The following CADPS2 variants were observed in gnomAD, a reference collection of about 807,000 sequenced individuals.
CADPS2 encodes the protein calcium dependent secretion activator 2, also known as calcium-dependent secretion activator 2.
CADPS2 carries 93 observed loss-of-function variants against 172.5 expected under a neutral mutation model. The ratio of observed to expected loss-of-function variants is 0.54; its 90% CI spans 0.46 to 0.64. The LOEUF is 0.64. Among genes scored for constraint, CADPS2 ranks in the 30% least tolerant of loss-of-function variants. The pLI is 0.00. For missense variants in CADPS2, 1,420 were observed against 1,565.9 expected (o/e 0.91, Z 1.57); for synonymous variants, 546 against 555.2 (o/e 0.98, Z 0.23).
At chr7:122,491,237 A>C in intron 10 of CADPS2, 75 bp downstream of exon 10, 2 of 930,812 alleles carry the variant, frequency 2.1e-6, no homozygotes, top group South Asian at 3.8e-5. Flanking sequence ...TTTAAATTGT[A>C]GAACAGACAA....
At chr7:122,695,558 C>G (rs1261197828) in intron 2 of CADPS2, among the ~76,000 whole-genome samples, 2 of 152,114 alleles carry the variant, frequency 1.3e-5, no homozygotes, top group Non-Finnish European at 2.9e-5. Flanking sequence ...ATAAAAGAAA[C>G]AGCTATGTAA....
At chr7:122,553,912 T>C (rs922906647) in intron 8 of CADPS2, among the ~76,000 whole-genome samples, 2 of 152,198 alleles carry the variant, frequency 1.3e-5, no homozygotes, top group Non-Finnish European at 1.5e-5. Flanking sequence ...TTTTTGGCAA[T>C]TCATTTTATT....
At chr7:122,817,169 G>A (rs1050063185) in intron 1 of CADPS2, among the ~76,000 whole-genome samples, 12 of 152,144 alleles carry the variant, frequency 7.9e-5, no homozygotes, top group Non-Finnish European at 1.8e-4. Flanking sequence ...TCAAACGGAC[G>A]CACATGAAAT....
chr7:122,803,571 A>C lies in CADPS2; in HGVS notation c.340-66503T>G, dbSNP rs1257529631. ...AATCACAGGAAACTTTCACCACTAG[A>C]TGGTGAGCTTGTGGCTTGGCAGCTC... On this transcript the variant is annotated intron_variant, in intron 1 of 29. Coordinates refer to ENST00000449022, the MANE Select transcript of CADPS2 (RefSeq NM_017954.11). Among the ~76,000 whole-genome samples, 4 of 152,284 alleles carry C rather than the reference A, an allele frequency of 2.6e-5. No homozygotes were observed. In the East Asian group the frequency reaches 7.7e-4, roughly 29 times the overall value.
chr7:122,588,752 T>C (rs6974720), intron 6 of CADPS2, among the ~76,000 whole-genome samples: 17,229 of 151,880 alleles, frequency 0.11, 1,274 homozygotes, highest in African/African-American at 0.2. Context: ...CTGAAGAAAC[T>C]GACTTTGGAT....
At chr7:122,704,213 A>T (rs2086624024) in intron 2 of CADPS2, among the ~76,000 whole-genome samples, 1 of 152,140 alleles carries the variant, frequency 6.6e-6, no homozygotes, top group South Asian at 2.1e-4. Context: ...ATTTTAGTTA[A>T]TATTTGTTAG....
intron 28 of CADPS2, among the ~76,000 whole-genome samples, chr7:122,336,071 G>T (rs573535840): frequency 6.6e-6 from 1 of 152,116 alleles, no homozygotes; most frequent in East Asian, 1.9e-4. Context: ...AGAAATTCAG[G>T]GTTCTCTCTT....
intron 27 of CADPS2, among the ~76,000 whole-genome samples, chr7:122,356,871 G>A (rs1014569879): frequency 1.3e-5 from 2 of 151,886 alleles, no homozygotes; most frequent in African/African-American, 2.4e-5. Context: ...GATGCTCCAC[G>A]TTCATCTTGT....
intron 2 of CADPS2, among the ~76,000 whole-genome samples, chr7:122,723,850 A>G (rs1483823690): frequency 1.3e-5 from 2 of 152,148 alleles, no homozygotes; most frequent in African/African-American, 4.8e-5. Flanking sequence ...ATGCAGCCAT[A>G]AAAAATGATG....
At chr7:122,784,458 T>C (rs536731601) in intron 1 of CADPS2, among the ~76,000 whole-genome samples, 4 of 152,274 alleles carry the variant, frequency 2.6e-5, no homozygotes, top group African/African-American at 9.6e-5. Context: ...TTGAAGTCTC[T>C]ATTCTGGTTC....
intron 1 of CADPS2, among the ~76,000 whole-genome samples, chr7:122,786,797 G>T (rs117613610): frequency 6.6e-6 from 1 of 151,852 alleles, no homozygotes; most frequent in South Asian, 2.1e-4. Flanking sequence ...TTATTTGGTC[G>T]TGCTTTGTTC....
chr7:122,833,180 T>A (rs997622434), intron 1 of CADPS2, among the ~76,000 whole-genome samples: 4 of 152,212 alleles, frequency 2.6e-5, no homozygotes, highest in Non-Finnish European at 4.4e-5. Context: ...CATGGCAACA[T>A]GACAGGTGAT....
intron 1 of CADPS2, among the ~76,000 whole-genome samples, chr7:122,743,152 T>C (rs2092574110): frequency 6.6e-6 from 1 of 152,124 alleles, no homozygotes; most frequent in African/African-American, 2.4e-5. Context: ...AACTAAAACA[T>C]AAATATAATT....
chr7:122,541,528 T>A (rs2062953229), intron 8 of CADPS2, among the ~76,000 whole-genome samples: 1 of 143,190 alleles, frequency 7.0e-6, no homozygotes, highest in Non-Finnish European at 1.5e-5. Context: ...TTTTTTTTTA[T>A]GCTTCTCTTA....
chr7:122,623,471 T>C (rs1320590524), intron 4 of CADPS2, among the ~76,000 whole-genome samples: 1 of 152,196 alleles, frequency 6.6e-6, no homozygotes, highest in Admixed American at 6.5e-5. Context: ...AAGTTCTTAG[T>C]TCACCTTATT....
intron 6 of CADPS2, among the ~76,000 whole-genome samples, chr7:122,583,441 C>A (rs138205196): frequency 1.3e-5 from 2 of 151,860 alleles, no homozygotes; most frequent in Non-Finnish European, 2.9e-5. Context: ...ATTTATCACT[C>A]CCTTGAATTT....
intron 1 of CADPS2, among the ~76,000 whole-genome samples, chr7:122,818,078 C>T (rs561170136): frequency 2.6e-5 from 4 of 151,160 alleles, no homozygotes; most frequent in African/African-American, 9.7e-5. Context: ...TGCACCCCAA[C>T]CCCTTTTCCT....
intron 3 of CADPS2, among the ~76,000 whole-genome samples, chr7:122,630,174 T>G (rs1275760795): frequency 6.6e-6 from 1 of 152,116 alleles, no homozygotes; most frequent in Non-Finnish European, 1.5e-5. Flanking sequence ...CACAATACAC[T>G]TTAGTAAAGG....
chr7:122,680,512 G>A (rs28459977), intron 2 of CADPS2, among the ~76,000 whole-genome samples: 7,805 of 152,162 alleles, frequency 0.051, 257 homozygotes, highest in African/African-American at 0.06. Flanking sequence ...TCAGGAGTTC[G>A]AGACCAGCCT....
Sources: gnomAD v4.1 joint callset for allele counts (sites outside exome capture counted in the v4.1 genomes callset) on GRCh38, gnomAD v4.1.1 for gene constraint, MANE v1.5 for transcripts, NCBI Gene and HGNC (gene_info 2026-07-23, HGNC 2026-07-21) for gene names.